TNFSF4: variants seen among roughly 807,000 people sequenced by gnomAD.
TNFSF4 encodes TNF superfamily member 4, also known as tumor necrosis factor ligand superfamily member 4.
A neutral mutation model predicts 7.3 loss-of-function variants in TNFSF4; 4 were observed. That is an observed-to-expected ratio of 0.55 (90% CI 0.27 to 1.25). The LOEUF (loss-of-function observed/expected upper bound fraction) is 1.25, where lower values mean the gene tolerates loss of function less well. Ranked by LOEUF, TNFSF4 falls within the 50% of genes most tolerant of loss-of-function variation. TNFSF4 has a pLI of 0.12. For missense variants in TNFSF4, 181 were observed against 208.8 expected, an observed-to-expected ratio of 0.87 and a Z score of 0.82; for synonymous variants, 76 against 83.7, an observed-to-expected ratio of 0.91 and a Z score of 0.50.
the TNFSF4 span, among the ~76,000 whole-genome samples, chr1:173,425,611 G>A: frequency 3.3e-5 from 5 of 152,166 alleles, no homozygotes; most frequent in African/African-American, 1.2e-4. Context: ...AATCTGTTTG[G>A]GACACAGCTG....
At chr1:173,343,395 CA>C in the TNFSF4 span, among the ~76,000 whole-genome samples, 23 of 152,122 alleles carry the variant, frequency 1.5e-4, no homozygotes, top group East Asian at 3.5e-3. Context: ...CCATTATAAG[CA>C]GAGGGGAAAA....
chr1:173,362,116 T>C, the TNFSF4 span, among the ~76,000 whole-genome samples: 1 of 152,230 alleles, frequency 6.6e-6, no homozygotes, highest in Non-Finnish European at 1.5e-5. Context: ...ATAAGTTAAA[T>C]ACTAAATTAC....
chr1:173,389,035 T>C, the TNFSF4 span, among the ~76,000 whole-genome samples: 2 of 152,238 alleles, frequency 1.3e-5, no homozygotes, highest in Non-Finnish European at 2.9e-5. Flanking sequence ...GTTATGTGCA[T>C]ATATAATTAT....
the TNFSF4 span, among the ~76,000 whole-genome samples, chr1:173,176,866 C>G: frequency 6.6e-6 from 1 of 152,186 alleles, no homozygotes; most frequent in Non-Finnish European, 1.5e-5. Flanking sequence ...CAAACTAATC[C>G]AGGAAAAGAA....
the TNFSF4 span, among the ~76,000 whole-genome samples, chr1:173,232,607 G>A: frequency 6.6e-6 from 1 of 152,304 alleles, no homozygotes; most frequent in South Asian, 2.1e-4. Flanking sequence ...CTGTGGGTTT[G>A]CCATAGATAG....
At chr1:173,416,631 TA>T in the TNFSF4 span, among the ~76,000 whole-genome samples, 9 of 33,004 alleles carry the variant, frequency 2.7e-4, 1 homozygote, top group Non-Finnish European at 3.9e-4. Flanking sequence ...TTTATTTATT[TA>T]TTTTTTGAGA....
chr1:173,285,157 T>A, the TNFSF4 span, among the ~76,000 whole-genome samples: 1 of 152,050 alleles, frequency 6.6e-6, no homozygotes, highest in Non-Finnish European at 1.5e-5. Context: ...TCAACCCTCA[T>A]GAATGACTGT....
chr1:173,205,475 A>G (rs1327665508), intron 1 of TNFSF4: 1 of 1,509,398 alleles, frequency 6.6e-7, no homozygotes, highest in Non-Finnish European at 8.9e-7. Flanking sequence ...AAGCTGTACA[A>G]CTGTGGTTCA....
chr1:173,186,399 A>G lies in TNFSF4; in HGVS notation c.*117T>C. 1 of 799,522 alleles carries G rather than the reference A, an allele frequency of 1.3e-6. No homozygotes were observed. The highest frequency in any genetic ancestry group is 2.0e-6 in the Non-Finnish European group (1 of 510,336). The allele number at this position is 799,522 out of a possible 1,614,324, so 49.5% of individuals were successfully genotyped here. On this transcript the variant is annotated 3_prime_UTR_variant, in exon 3 of 3. Transcript: ENST00000281834. Reference sequence around the variant, plus strand: ...GGAGGGCCAGGATCTGCTTCTTGTCACATCCCACGTGGCTGAGCTGGGAGG... The same window carrying G: ...GGAGGGCCAGGATCTGCTTCTTGTCGCATCCCACGTGGCTGAGCTGGGAGG...
the TNFSF4 span, among the ~76,000 whole-genome samples, chr1:173,274,574 T>A: frequency 6.6e-6 from 1 of 152,050 alleles, no homozygotes. Context: ...ATGTGATAGA[T>A]TCCCTGATTC....
chr1:173,202,070 T>TATATATATATATATATATATATATACACA (rs150074641), intron 1 of TNFSF4, among the ~76,000 whole-genome samples: 8 of 149,558 alleles, frequency 5.3e-5, no homozygotes, highest in Admixed American at 1.3e-4. Context: ...TATATATATA[T>TATATATATATATATATATATATATACACA]ACACACACAC....
the TNFSF4 span, among the ~76,000 whole-genome samples, chr1:173,264,961 A>T: frequency 6.6e-6 from 1 of 152,258 alleles, no homozygotes; most frequent in Non-Finnish European, 1.5e-5. Flanking sequence ...AATTCAGACC[A>T]TCACAACACA....
the TNFSF4 span, among the ~76,000 whole-genome samples, chr1:173,229,971 A>C: frequency 7.9e-5 from 12 of 152,168 alleles, no homozygotes; most frequent in Middle Eastern, 3.4e-3. Flanking sequence ...TAGACTCCCA[A>C]ACAATAATAA....
the TNFSF4 span, among the ~76,000 whole-genome samples, chr1:173,409,522 T>C: frequency 6.6e-6 from 1 of 152,198 alleles, no homozygotes; most frequent in South Asian, 2.1e-4. Context: ...AAAAAAGTCA[T>C]TATACTATTC....
the TNFSF4 span, among the ~76,000 whole-genome samples, chr1:173,326,750 G>A: frequency 1.3e-5 from 2 of 152,096 alleles, no homozygotes; most frequent in Non-Finnish European, 2.9e-5. Context: ...CAAATCATGA[G>A]TGAACTCCCA....
At chr1:173,297,445 C>T in the TNFSF4 span, among the ~76,000 whole-genome samples, 2 of 152,000 alleles carry the variant, frequency 1.3e-5, no homozygotes, top group South Asian at 2.1e-4. Flanking sequence ...GGTTGAGTGC[C>T]GGATTCAATA....
chr1:173,221,548 T>C, the TNFSF4 span, among the ~76,000 whole-genome samples: 1 of 152,204 alleles, frequency 6.6e-6, no homozygotes, highest in African/African-American at 2.4e-5. Flanking sequence ...AATTAAGGCA[T>C]CAACGATAAC....
the TNFSF4 span, among the ~76,000 whole-genome samples, chr1:173,386,949 G>A: frequency 6.6e-6 from 1 of 152,178 alleles, no homozygotes; most frequent in Admixed American, 6.5e-5. Context: ...TGTCCTACTT[G>A]TATTTTGGAG....
chr1:173,299,904 G>A, the TNFSF4 span, among the ~76,000 whole-genome samples: 1 of 151,796 alleles, frequency 6.6e-6, no homozygotes, highest in South Asian at 2.1e-4. Context: ...AGGCTGAGGG[G>A]CTCATCAACT....
Sources: allele counts gnomAD v4.1 joint callset (sites outside exome capture counted in the v4.1 genomes callset), GRCh38; gene constraint gnomAD v4.1.1; transcripts MANE v1.5; gene names NCBI Gene and HGNC (gene_info 2026-07-23, HGNC 2026-07-21).